The following PITPNC1 variants were observed in gnomAD, a reference collection of about 807,000 sequenced individuals.
PITPNC1 encodes cytoplasmic phosphatidylinositol transfer protein 1.
In PITPNC1, 18 loss-of-function variants were observed where a neutral mutation model predicts 44.7. The observed-to-expected ratio is 0.40, with a 90% confidence interval of 0.28 to 0.60. PITPNC1 has a LOEUF of 0.60. PITPNC1 is among the 20% of genes least tolerant of loss of function. The pLI is 0.39. For synonymous variants in PITPNC1, 141 were observed against 149.6 expected (o/e 0.94, Z 0.42); for missense variants, 290 against 418.4 (o/e 0.69, Z 2.68).
intron 7 of PITPNC1, among the ~76,000 whole-genome samples, chr17:67,671,870 T>G (rs546787399): frequency 5.3e-5 from 8 of 152,292 alleles, no homozygotes; most frequent in African/African-American, 1.2e-4. Flanking sequence ...GCATCCCTTT[T>G]TGTGTGTGGC....
Position 67,584,867 on chromosome 17 carries a change from C to A in PITPNC1, c.366+6610C>A, listed in dbSNP as rs1032277652. On this transcript the variant is annotated intron_variant, in intron 5 of 8. Coordinates refer to ENST00000581322, the MANE Select transcript of PITPNC1 (RefSeq NM_012417.4). The stretch of plus-strand genomic sequence containing the variant: ...CAGTGGCTCACGCCTGTAATCCCAG[C>A]ACTTTGGGAGGCAGAAGCAGCCAGA... Among the ~76,000 whole-genome samples the A allele has an allele frequency of 4.6e-5, 7 of 151,582 alleles. No homozygotes were observed. In the East Asian group the frequency reaches 1.4e-3, roughly 30 times the overall value.
At chr17:67,473,885 T>C (rs2949915) in intron 1 of PITPNC1, among the ~76,000 whole-genome samples, 59,503 of 151,964 alleles carry the variant, frequency 0.39, 12,986 homozygotes, top group African/African-American at 0.59. Context: ...TTTTCTATTC[T>C]CCCATGCCTT....
intron 5 of PITPNC1, among the ~76,000 whole-genome samples, chr17:67,608,257 CAA>C (rs763822573): frequency 3.2e-5 from 4 of 124,486 alleles, no homozygotes; most frequent in Admixed American, 8.0e-5. Context: ...CAAAAAAAAA[CAA>C]AAAAAAAAAA....
intron 1 of PITPNC1, among the ~76,000 whole-genome samples, chr17:67,419,639 C>T (rs572829487): frequency 1.2e-4 from 18 of 152,322 alleles, no homozygotes; most frequent in Admixed American, 7.8e-4. Flanking sequence ...GGCGCAGTGG[C>T]TCAAGCGTAT....
intron 1 of PITPNC1, among the ~76,000 whole-genome samples, chr17:67,399,255 T>G (rs1191814854): frequency 1.3e-5 from 2 of 152,024 alleles, no homozygotes; most frequent in Non-Finnish European, 2.9e-5. Context: ...CCTTGTGATC[T>G]GCTCACCTCG....
chr17:67,472,256 C>T (rs781143237), intron 1 of PITPNC1, among the ~76,000 whole-genome samples: 1 of 142,002 alleles, frequency 7.0e-6, no homozygotes, highest in African/African-American at 2.6e-5. Context: ...TTTTGGCTGC[C>T]CTGGGACACA....
intron 1 of PITPNC1, among the ~76,000 whole-genome samples, chr17:67,494,778 C>A (rs2039920708): frequency 1.3e-5 from 2 of 151,946 alleles, no homozygotes; most frequent in South Asian, 4.2e-4. Flanking sequence ...TCAAGACCAG[C>A]CTGGGCAACA....
At chr17:67,567,659 A>G (rs1482081519) in intron 4 of PITPNC1, among the ~76,000 whole-genome samples, 3 of 151,282 alleles carry the variant, frequency 2.0e-5, no homozygotes, top group African/African-American at 7.3e-5. Context: ...CAGCAATTCC[A>G]CTCTAGGTAT....
At chr17:67,678,380 G>T (rs1293484790) in intron 8 of PITPNC1, among the ~76,000 whole-genome samples, 1 of 152,112 alleles carries the variant, frequency 6.6e-6, no homozygotes, top group African/African-American at 2.4e-5. Flanking sequence ...GGAGTCTATT[G>T]TGCAAAAAAC....
At chr17:67,576,002 A>G (rs1286990896) in intron 4 of PITPNC1, among the ~76,000 whole-genome samples, 2 of 148,420 alleles carry the variant, frequency 1.3e-5, no homozygotes, top group Non-Finnish European at 3.0e-5. Flanking sequence ...TCAGCCTCCC[A>G]AGTAGCTGGA....
chr17:67,382,088 T>A (rs1220483830), intron 1 of PITPNC1, among the ~76,000 whole-genome samples: 2 of 152,226 alleles, frequency 1.3e-5, no homozygotes, highest in Admixed American at 1.3e-4. Context: ...CTCTGCTTTT[T>A]GCCTGTCACT....
At chr17:67,476,718 C>G (rs890702087) in intron 1 of PITPNC1, among the ~76,000 whole-genome samples, 5 of 151,912 alleles carry the variant, frequency 3.3e-5, no homozygotes, top group African/African-American at 9.7e-5. Context: ...TTCCTGGGCT[C>G]AAGCAATACT....
At chr17:67,557,655 A>T (rs112582662) in intron 4 of PITPNC1, among the ~76,000 whole-genome samples, 3 of 152,112 alleles carry the variant, frequency 2.0e-5, no homozygotes, top group African/African-American at 7.2e-5. Flanking sequence ...TGAAGCTGCC[A>T]CCTCTTGACT....
intron 6 of PITPNC1, among the ~76,000 whole-genome samples, chr17:67,661,870 C>T (rs950534349): frequency 3.9e-5 from 6 of 151,944 alleles, no homozygotes; most frequent in Admixed American, 3.3e-4. Context: ...GTGGCACGCA[C>T]CTGTCATCCA....
intron 8 of PITPNC1, among the ~76,000 whole-genome samples, chr17:67,683,115 T>G (rs913739367): frequency 8.1e-6 from 1 of 123,716 alleles, no homozygotes; most frequent in Non-Finnish European, 1.6e-5. Context: ...AGCCAAGATA[T>G]CACACCATTG....
chr17:67,620,241 A>T (rs865775333), intron 5 of PITPNC1, among the ~76,000 whole-genome samples: 1 of 152,006 alleles, frequency 6.6e-6, no homozygotes. Context: ...TTTTGTAGAG[A>T]CAGGGTCTCA....
intron 1 of PITPNC1, among the ~76,000 whole-genome samples, chr17:67,428,054 G>A (rs557886378): frequency 6.6e-6 from 1 of 152,144 alleles, no homozygotes; most frequent in Non-Finnish European, 1.5e-5. Flanking sequence ...CTGTTCACAG[G>A]CAACATCATT....
In PITPNC1 at chr17:67,460,889, G is replaced by A. The variant is rs547532933; in HGVS notation, c.49-71913G>A. ...CCTCAGTAGCTGGGATTATAGGCGC[G>A]CGCCACCATGCCTGGCTAATTTTTA... is the stretch of plus-strand genomic sequence containing the variant. On this transcript the variant is annotated intron_variant, in intron 1 of 8. Transcript: ENST00000581322. Among the ~76,000 whole-genome samples the A allele has an allele frequency of 1.5e-4, 22 of 150,852 alleles. No homozygotes were observed. The East Asian group carries it at 3.9e-3, about 27-fold the overall frequency.
At chr17:67,661,014 A>G (rs1598948371) in intron 6 of PITPNC1, among the ~76,000 whole-genome samples, 1 of 143,866 alleles carries the variant, frequency 7.0e-6, no homozygotes, top group South Asian at 2.2e-4. Context: ...GCCCGCCACC[A>G]CGCCCAGCTA....
Sources: gnomAD v4.1 joint callset for allele counts (sites outside exome capture counted in the v4.1 genomes callset) on GRCh38, gnomAD v4.1.1 for gene constraint, MANE v1.5 for transcripts, NCBI Gene and HGNC (gene_info 2026-07-23, HGNC 2026-07-21) for gene names.